SMIM8: variants seen among roughly 807,000 people sequenced by gnomAD.
SMIM8 encodes the protein UPF0708 protein C6orf162.
SMIM8 carries 8 observed loss-of-function variants against 8.1 expected under a neutral mutation model. That is an observed-to-expected ratio of 0.99 (90% confidence interval 0.58 to 1.78). The LOEUF is 1.78. SMIM8 is among the 40% of genes most tolerant of loss of function. The pLI, the probability that SMIM8 is intolerant of heterozygous loss-of-function variation, is 0.00. For synonymous variants in SMIM8, 45 were observed against 39.7 expected, an observed-to-expected ratio of 1.13 and a Z score of -0.50; for missense variants, 126 against 119.8, an observed-to-expected ratio of 1.05 and a Z score of -0.24.
chr6:87,335,034 C>A (rs1777077089), intron 2 of SMIM8, among the ~76,000 whole-genome samples: 2 of 152,148 alleles, frequency 1.3e-5, no homozygotes, highest in Non-Finnish European at 2.9e-5. Flanking sequence ...CTTCTGAAAG[C>A]AGTTGGAACA....
chr6:87,339,328 G>A (rs1013720732), intron 3 of SMIM8, among the ~76,000 whole-genome samples: 1 of 8,032 alleles, frequency 1.2e-4, no homozygotes, highest in East Asian at 2.4e-3. Context: ...AACACAGCGT[G>A]TGTGTGTGTG....
chr6:87,337,460 A>G (rs1218184140), intron 3 of SMIM8, among the ~76,000 whole-genome samples: 1 of 152,190 alleles, frequency 6.6e-6, no homozygotes, highest in Admixed American at 6.5e-5. Flanking sequence ...TAATTTGAAG[A>G]CAACTTTTGT....
intron 3 of SMIM8, among the ~76,000 whole-genome samples, chr6:87,337,571 A>G (rs1172419254): frequency 6.6e-6 from 1 of 152,236 alleles, no homozygotes; most frequent in Non-Finnish European, 1.5e-5. Flanking sequence ...TCTACCCTGT[A>G]GGTAATATTT....
chr6:87,324,771 A>C (rs181303100), intron 1 of SMIM8, among the ~76,000 whole-genome samples: 1 of 152,130 alleles, frequency 6.6e-6, no homozygotes, highest in Non-Finnish European at 1.5e-5. Flanking sequence ...TTGGTTCCAT[A>C]TGAACTTTAA....
At chr6:87,325,908 G>T (rs1356883597) in intron 1 of SMIM8, among the ~76,000 whole-genome samples, 1 of 152,028 alleles carries the variant, frequency 6.6e-6, no homozygotes, top group East Asian at 1.9e-4. Context: ...GACTCTTTTT[G>T]GTTGGTAAGC....
chr6:87,337,659 G>A (rs1293455672), intron 3 of SMIM8, among the ~76,000 whole-genome samples: 1 of 152,144 alleles, frequency 6.6e-6, no homozygotes, highest in Admixed American at 6.6e-5. Flanking sequence ...ATTTATTAGA[G>A]GTTCTGTCAC....
chr6:87,336,359 G>C (rs1777113754), intron 2 of SMIM8, among the ~76,000 whole-genome samples: 1 of 152,198 alleles, frequency 6.6e-6, no homozygotes, highest in Non-Finnish European at 1.5e-5. Context: ...TAATAGGATA[G>C]ATTTACAGTA....
In SMIM8 at chr6:87,341,726, A is replaced by G. The variant is rs383692; in HGVS notation, c.*1452A>G. 87,368 of 154,850 alleles carry G rather than the reference A, an allele frequency of 0.56. 24,948 individuals are homozygous for G. The highest frequency in any genetic ancestry group is 0.6 in the Non-Finnish European group (41,727 of 69,994). 9.6% of individuals were successfully genotyped at this position (154,850 alleles called of 1,614,324 possible). A position where few individuals can be genotyped will look rare whatever the true frequency, so the allele number is the denominator to read the frequency against. On this transcript the variant is annotated 3_prime_UTR_variant, in exon 4 of 4. Transcript: ENST00000392863. The stretch of plus-strand genomic sequence containing the variant: ...GAACTTAGCTAATTGAATTTACATG[A>G]AACTAAATAAAATCTTTACTACTGA...
At chr6:87,327,320 G>A (rs1312805774) in intron 1 of SMIM8, among the ~76,000 whole-genome samples, 3 of 151,700 alleles carry the variant, frequency 2.0e-5, no homozygotes, top group African/African-American at 4.9e-5. Context: ...ATGTTAGCTC[G>A]TTATTTTGCT....
At chr6:87,335,866 A>G (rs1777104201) in intron 2 of SMIM8, among the ~76,000 whole-genome samples, 1 of 149,398 alleles carries the variant, frequency 6.7e-6, no homozygotes, top group African/African-American at 2.5e-5. Context: ...AAAAAAAAAA[A>G]AAAAGCCAGG....
chr6:87,338,972 G>A (rs1225013315), intron 3 of SMIM8, among the ~76,000 whole-genome samples: 1 of 149,612 alleles, frequency 6.7e-6, no homozygotes, highest in Non-Finnish European at 1.5e-5. Flanking sequence ...ACTTTGGGAG[G>A]CTGAGGTAGA....
intron 1 of SMIM8, among the ~76,000 whole-genome samples, chr6:87,328,811 C>G (rs972617530): frequency 2.0e-5 from 3 of 152,234 alleles, no homozygotes; most frequent in African/African-American, 7.2e-5. Flanking sequence ...CTTTGTTTAC[C>G]TAAGCAAGCC....
chr6:87,328,715 G>A (rs1776906872), intron 1 of SMIM8, among the ~76,000 whole-genome samples: 1 of 152,156 alleles, frequency 6.6e-6, no homozygotes, highest in Non-Finnish European at 1.5e-5. Flanking sequence ...GTTTGTCTGT[G>A]CCCTGCCCCC....
At chr6:87,323,274 A>T (rs1304363250) in intron 1 of SMIM8, among the ~76,000 whole-genome samples, 1 of 151,690 alleles carries the variant, frequency 6.6e-6, no homozygotes, top group Non-Finnish European at 1.5e-5. Context: ...TGTTTTGTTT[A>T]TTTATTTATT....
intron 1 of SMIM8, among the ~76,000 whole-genome samples, chr6:87,324,894 A>G (rs1776778072): frequency 6.6e-6 from 1 of 152,232 alleles, no homozygotes. Flanking sequence ...GATTCTTCCT[A>G]CGCATGAGCA....
chr6:87,324,896 G>C (rs144739741), intron 1 of SMIM8, among the ~76,000 whole-genome samples: 107 of 152,214 alleles, frequency 7.0e-4, no homozygotes, highest in Non-Finnish European at 1.2e-3. Context: ...TTCTTCCTAC[G>C]CATGAGCATG....
At chr6:87,323,836 T>C (rs1001737772) in intron 1 of SMIM8, among the ~76,000 whole-genome samples, 3 of 152,132 alleles carry the variant, frequency 2.0e-5, no homozygotes, top group African/African-American at 7.2e-5. Context: ...TCTAGATCCC[T>C]GAGGAATCGC....
At position 87,334,853 on chromosome 6, in the gene SMIM8, T is replaced by G. The variant is rs1039595850; in HGVS notation, c.-23-2156T>G. Among the ~76,000 whole-genome samples the G allele has an allele frequency of 4.5e-4, 68 of 152,314 alleles. 1 individual carries two copies. The highest frequency in any genetic ancestry group is 1.6e-3 in the African/African-American group (67 of 41,566). On this transcript the variant is annotated intron_variant, in intron 2 of 3. Coordinates refer to ENST00000392863, the MANE Select transcript of SMIM8 (RefSeq NM_001042493.3). ...GTGTTACTGAATAGCTGATAAAGATTGACAAGGGAATGCAAGGAGCAATAC... is the reference window on the plus strand; with the variant it reads ...GTGTTACTGAATAGCTGATAAAGATGGACAAGGGAATGCAAGGAGCAATAC...
chr6:87,332,344 A>ATATATATATATAT (rs1490339070), intron 2 of SMIM8, among the ~76,000 whole-genome samples: 2 of 143,334 alleles, frequency 1.4e-5, no homozygotes, highest in African/African-American at 5.4e-5. Context: ...TATATATATA[A>ATATATATATATAT]ATGACAGCAG....
Sources: allele counts gnomAD v4.1 joint callset (sites outside exome capture counted in the v4.1 genomes callset), GRCh38; gene constraint gnomAD v4.1.1; transcripts MANE v1.5; gene names NCBI Gene and HGNC (gene_info 2026-07-23, HGNC 2026-07-21).